Variants in PLCB4 observed in about 807,000 individuals in gnomAD.
The protein encoded by PLCB4 is 1-phosphatidylinositol 4,5-bisphosphate phosphodiesterase beta-4.
PLCB4 carries 77 observed loss-of-function variants against 178.8 expected under a neutral mutation model. The observed-to-expected ratio is 0.43, with a 90% CI of 0.36 to 0.52. PLCB4 has a LOEUF of 0.52. Among genes scored for constraint, PLCB4 ranks in the 20% least tolerant of loss-of-function variants. The pLI is 0.00. For synonymous variants in PLCB4, 496 were observed against 490.8 expected (o/e 1.01, Z -0.14); for missense variants, 1,024 against 1,453.4 (o/e 0.70, Z 4.80).
chr20:9,118,204 A>G (rs2091845421), intron 2 of PLCB4, among the ~76,000 whole-genome samples: 1 of 143,982 alleles, frequency 6.9e-6, no homozygotes, highest in South Asian at 2.4e-4. Flanking sequence ...TATATCTCCC[A>G]ATGCTATCCC....
intron 12 of PLCB4, among the ~76,000 whole-genome samples, chr20:9,377,695 T>C (rs1042758222): frequency 2.0e-5 from 3 of 152,246 alleles, no homozygotes; most frequent in South Asian, 2.1e-4. Flanking sequence ...TTGGTTTTCC[T>C]GGCTTTGTTT....
intron 2 of PLCB4, among the ~76,000 whole-genome samples, chr20:9,151,488 T>C (rs1407612590): frequency 6.6e-6 from 1 of 152,116 alleles, no homozygotes; most frequent in African/African-American, 2.4e-5. Flanking sequence ...ATTCTCATGG[T>C]AGTGAATAAG....
chr20:9,340,014 G>A lies in PLCB4; in HGVS notation c.369+977G>A, dbSNP rs1248303235. The stretch of plus-strand genomic sequence containing the variant: ...GACTAAGCCTTCACTTTCCATGGCA[G>A]AAACATGGGTTTGGGGGAATGGGGA... On this transcript the variant is annotated intron_variant, in intron 7 of 39. Coordinates refer to ENST00000378473, the MANE Select transcript of PLCB4 (RefSeq NM_001377142.1). Among the ~76,000 whole-genome samples the A allele has an allele frequency of 3.3e-5, 5 of 152,172 alleles. No individual in the cohort carries two copies. The East Asian group carries it at 9.6e-4, about 29-fold the overall frequency.
chr20:9,241,624 G>A (rs6140902), intron 3 of PLCB4, among the ~76,000 whole-genome samples: 14,596 of 152,190 alleles, frequency 0.096, 1,209 homozygotes, highest in East Asian at 0.32. Flanking sequence ...GGAAATAGGA[G>A]GCTTTAAGCC....
chr20:9,106,030 G>A (rs2146659313), intron 2 of PLCB4, among the ~76,000 whole-genome samples: 1 of 152,050 alleles, frequency 6.6e-6, no homozygotes, highest in South Asian at 2.1e-4. Context: ...AGCATATACC[G>A]GGAAAACATT....
chr20:9,084,982 G>A (rs2090334367), intron 1 of PLCB4, among the ~76,000 whole-genome samples: 1 of 151,164 alleles, frequency 6.6e-6, no homozygotes, highest in African/African-American at 2.4e-5. Context: ...GAACCCGGGA[G>A]GTGGAGCTTG....
intron 2 of PLCB4, chr20:9,166,257 C>T (rs879606421): frequency 6.6e-6 from 1 of 152,050 alleles, no homozygotes; most frequent in Non-Finnish European, 1.5e-5. Flanking sequence ...CAATTTTACT[C>T]TTCCTATTAT....
intron 4 of PLCB4, among the ~76,000 whole-genome samples, chr20:9,325,284 TAACTCTAA>T (rs1363660727): frequency 6.6e-6 from 1 of 152,234 alleles, no homozygotes; most frequent in Non-Finnish European, 1.5e-5. Context: ...CTTGCCTCCA[TAACTCTAA>T]GTTGTTCCTC....
chr20:9,311,989 A>G (rs1008312634), intron 4 of PLCB4, among the ~76,000 whole-genome samples: 1 of 152,152 alleles, frequency 6.6e-6, no homozygotes. Flanking sequence ...ATATAGGTAC[A>G]TGGGCCTAGT....
chr20:9,107,949 A>G (rs1179561481), intron 2 of PLCB4, among the ~76,000 whole-genome samples: 1 of 152,070 alleles, frequency 6.6e-6, no homozygotes, highest in Non-Finnish European at 1.5e-5. Flanking sequence ...TTGAAGATAG[A>G]GTCAGTAGGA....
At position 9,202,928 on chromosome 20, in the gene PLCB4, AAAAAAC is replaced by A. The variant is rs1442961987; in HGVS notation, c.-78-14449_-78-14444del. 6.3e-4 allele frequency among the ~76,000 whole-genome samples: 96 copies of A among 151,854 alleles called. 1 individual carries two copies. The Middle Eastern group carries it at 0.014, about 22-fold the overall frequency. The stretch of plus-strand genomic sequence containing the variant: ...AAGTTTGCAGACTCCAGCTCCATCA[AAAAAAC>A]AAAAACAAAAACCAGGTAACTGCTG... On this transcript the variant is annotated intron_variant, in intron 2 of 39. Transcript: ENST00000378473.
intron 12 of PLCB4, among the ~76,000 whole-genome samples, chr20:9,378,962 C>T (rs1485385354): frequency 6.6e-6 from 1 of 152,100 alleles, no homozygotes; most frequent in African/African-American, 2.4e-5. Context: ...TTTTTAAATA[C>T]CTTTCCAACA....
At chr20:9,116,342 G>A (rs566048716) in intron 2 of PLCB4, among the ~76,000 whole-genome samples, 2 of 151,866 alleles carry the variant, frequency 1.3e-5, no homozygotes, top group Non-Finnish European at 2.9e-5. Flanking sequence ...TTATATGTAC[G>A]TATAAGATAT....
intron 28 of PLCB4, 27 bp from the exon 29 acceptor site, chr20:9,435,533 G>A (rs570428680): frequency 3.2e-5 from 41 of 1,262,436 alleles, no homozygotes; most frequent in Middle Eastern, 1.9e-4. Context: ...GAGAATTAAC[G>A]GCTCATTGGG....
intron 3 of PLCB4, among the ~76,000 whole-genome samples, chr20:9,253,458 C>T (rs1486131177): frequency 6.6e-6 from 1 of 151,648 alleles, no homozygotes; most frequent in Non-Finnish European, 1.5e-5. Flanking sequence ...CCATCAGTGA[C>T]TGCCAGTTTC....
At chr20:9,120,813 T>A (rs1290027419) in intron 2 of PLCB4, among the ~76,000 whole-genome samples, 1 of 152,126 alleles carries the variant, frequency 6.6e-6, no homozygotes, top group Non-Finnish European at 1.5e-5. Flanking sequence ...CTATGAGGTC[T>A]CCACCTCACT....
At chr20:9,096,426 AT>A (rs1460943784) in intron 2 of PLCB4, 84 bp downstream of exon 2, 2 of 152,176 alleles carry the variant, frequency 1.3e-5, no homozygotes, top group Admixed American at 6.6e-5. Flanking sequence ...TCGAGAAGCA[AT>A]TTTTTATGCC....
rs190677877 is a variant in PLCB4, at chr20:9,250,610, C to T, written c.-16+33158C>T. Reference sequence around the variant, plus strand: ...ACATATTCTTACCATAGTTCTGTAACGTAGGCAGGCATTATTTGCCTGTCT... The same window carrying T: ...ACATATTCTTACCATAGTTCTGTAATGTAGGCAGGCATTATTTGCCTGTCT... On this transcript the variant is annotated intron_variant, in intron 3 of 39. Transcript: ENST00000378473. Among the ~76,000 whole-genome samples, 267 of 152,320 alleles carry T rather than the reference C, an allele frequency of 1.8e-3. 1 individual carries two copies. The highest frequency in any genetic ancestry group is 6.0e-3 in the African/African-American group (251 of 41,568).
intron 3 of PLCB4, among the ~76,000 whole-genome samples, chr20:9,261,079 G>A (rs1226971947): frequency 6.6e-6 from 1 of 152,080 alleles, no homozygotes; most frequent in Non-Finnish European, 1.5e-5. Flanking sequence ...CACTTTTAAA[G>A]AAACCACCAG....
Sources: gnomAD v4.1 joint callset for allele counts (sites outside exome capture counted in the v4.1 genomes callset) on GRCh38, gnomAD v4.1.1 for gene constraint, MANE v1.5 for transcripts, NCBI Gene and HGNC (gene_info 2026-07-23, HGNC 2026-07-21) for gene names.